ERBB4: variants seen among roughly 807,000 people sequenced by gnomAD.
The protein encoded by ERBB4 is receptor tyrosine-protein kinase erbB-4.
ERBB4 carries 42 observed loss-of-function variants against 158.0 expected under a neutral mutation model. The observed-to-expected ratio is 0.27, with a 90% CI of 0.21 to 0.34. ERBB4 has a LOEUF of 0.34. Ranked by LOEUF, ERBB4 falls within the 10% of genes least tolerant of loss-of-function variation. The pLI is 1.00. For missense variants in ERBB4, 1,333 were observed against 1,624.1 expected (o/e 0.82, Z 3.08); for synonymous variants, 583 against 558.7 (o/e 1.04, Z -0.61).
chr2:211,472,486 T>C (rs1193509129), intron 20 of ERBB4, among the ~76,000 whole-genome samples: 1 of 151,702 alleles, frequency 6.6e-6, no homozygotes, highest in Non-Finnish European at 1.5e-5. Context: ...CGCTATTATA[T>C]TAATATTTCT....
intron 20 of ERBB4, among the ~76,000 whole-genome samples, chr2:211,483,732 AGTAGAGACT>A (rs1447611085): frequency 2.0e-5 from 3 of 152,010 alleles, no homozygotes; most frequent in African/African-American, 7.2e-5. Flanking sequence ...TTGTATTTTT[AGTAGAGACT>A]GGTTCTCACT....
intron 20 of ERBB4, among the ~76,000 whole-genome samples, chr2:211,461,904 AAAAC>A (rs1394605536): frequency 1.3e-5 from 2 of 151,954 alleles, no homozygotes; most frequent in East Asian, 3.9e-4. Context: ...AAAAAACAAT[AAAAC>A]AACAACAAAA....
intron 1 of ERBB4, among the ~76,000 whole-genome samples, chr2:212,537,690 C>T (rs980410779): frequency 6.6e-6 from 1 of 151,666 alleles, no homozygotes; most frequent in African/African-American, 2.4e-5. Flanking sequence ...GAACTCTTCC[C>T]GGAGCCAAAC....
At chr2:211,623,888 A>C in intron 18 of ERBB4, 34 bp downstream of exon 18, 2 of 1,610,798 alleles carry the variant, frequency 1.2e-6, no homozygotes, top group Non-Finnish European at 1.7e-6. Context: ...CTAAAACAAA[A>C]CTTAACTAAC....
intron 1 of ERBB4, among the ~76,000 whole-genome samples, chr2:212,314,279 A>G (rs1377547733): frequency 6.6e-6 from 1 of 150,504 alleles, no homozygotes; most frequent in Non-Finnish European, 1.5e-5. Flanking sequence ...CCCTTCCTCA[A>G]CTTGGTTGAC....
At chr2:211,890,962 C>T (rs1282687327) in intron 3 of ERBB4, among the ~76,000 whole-genome samples, 161 of 103,940 alleles carry the variant, frequency 1.5e-3, no homozygotes, top group African/African-American at 6.5e-3. Flanking sequence ...TAATGGGAGA[C>T]TTTAACACCC....
intron 2 of ERBB4, among the ~76,000 whole-genome samples, chr2:212,032,741 C>A (rs1390622040): frequency 1.3e-5 from 2 of 151,894 alleles, no homozygotes; most frequent in African/African-American, 4.8e-5. Context: ...CCTATTTCTA[C>A]AGACTTCCAT....
At chr2:211,586,067 GA>G (rs2068266787) in intron 19 of ERBB4, among the ~76,000 whole-genome samples, 1 of 152,068 alleles carries the variant, frequency 6.6e-6, no homozygotes, top group South Asian at 2.1e-4. Flanking sequence ...CAAATGTGAT[GA>G]AGTAGAGTTT....
intron 19 of ERBB4, among the ~76,000 whole-genome samples, chr2:211,592,838 T>C (rs912795514): frequency 6.6e-6 from 1 of 152,126 alleles, no homozygotes; most frequent in Non-Finnish European, 1.5e-5. Flanking sequence ...AGTCAAACCC[T>C]GTCTCTACTA....
chr2:212,353,200 T>C (rs981365193), intron 1 of ERBB4, among the ~76,000 whole-genome samples: 1 of 151,830 alleles, frequency 6.6e-6, no homozygotes, highest in African/African-American at 2.4e-5. Flanking sequence ...CTTTAATGAT[T>C]TGGGGCCCAC....
intron 3 of ERBB4, among the ~76,000 whole-genome samples, chr2:211,815,613 G>C (rs1415162441): frequency 6.6e-6 from 1 of 152,118 alleles, no homozygotes; most frequent in South Asian, 2.1e-4. Context: ...CTAAATTTTT[G>C]TTTATGGTGT....
At chr2:211,596,942 T>G (rs1381402541) in intron 19 of ERBB4, among the ~76,000 whole-genome samples, 1 of 152,136 alleles carries the variant, frequency 6.6e-6, no homozygotes, top group African/African-American at 2.4e-5. Flanking sequence ...TCTTTTGTAT[T>G]TTTAGTAGAA....
intron 1 of ERBB4, among the ~76,000 whole-genome samples, chr2:212,192,799 T>C (rs527599056): frequency 5.5e-4 from 69 of 126,190 alleles, no homozygotes; most frequent in Middle Eastern, 3.7e-3. Flanking sequence ...GACCGATCAA[T>C]AGTGTGATAT....
At chr2:212,341,712 A>G (rs1012063471) in intron 1 of ERBB4, among the ~76,000 whole-genome samples, 6 of 152,202 alleles carry the variant, frequency 3.9e-5, no homozygotes, top group African/African-American at 1.4e-4. Context: ...ATTTCAAATT[A>G]TATTGTAGAA....
chr2:211,499,554 A>C (rs1298420291), intron 20 of ERBB4, among the ~76,000 whole-genome samples: 1 of 152,052 alleles, frequency 6.6e-6, no homozygotes, highest in Admixed American at 6.5e-5. Context: ...CAAACAAACA[A>C]ACAAAAAAAA....
chr2:211,858,486 G>C (rs1316204719), intron 3 of ERBB4, among the ~76,000 whole-genome samples: 10 of 152,106 alleles, frequency 6.6e-5, no homozygotes, highest in African/African-American at 2.4e-4. Flanking sequence ...GTTTGATTTA[G>C]ACCATTTTGT....
In ERBB4 at chr2:211,380,632, A is replaced by AG. The variant is rs557968261; in HGVS notation, c.*2982dup. The AG allele has an allele frequency of 2.6e-3, 603 of 231,922 alleles. 4 individuals are homozygous for AG. The highest frequency in any genetic ancestry group is 0.012 in the African/African-American group (554 of 45,368). 14.4% of individuals were successfully genotyped at this position (231,922 alleles called of 1,614,324 possible). A position where few individuals can be genotyped will look rare whatever the true frequency, so the allele number is the denominator to read the frequency against. ...TATACATGCTGAAATATGTTTTCCCAGGGGGGACAAAAATAAAACAAAAAA... is the reference window on the plus strand; with the variant it reads ...TATACATGCTGAAATATGTTTTCCCAGGGGGGGACAAAAATAAAACAAAAAA... On this transcript the variant is annotated 3_prime_UTR_variant, in exon 28 of 28. Transcript: ENST00000342788.
chr2:211,734,036 A>G (rs937869449), intron 5 of ERBB4, among the ~76,000 whole-genome samples: 1 of 152,130 alleles, frequency 6.6e-6, no homozygotes, highest in African/African-American at 2.4e-5. Context: ...AGCAGAAAAT[A>G]TTTAAAAAAT....
chr2:212,170,644 G>A lies in ERBB4; in HGVS notation c.83-45741C>T, dbSNP rs2081487342. 2.6e-5 allele frequency among the ~76,000 whole-genome samples: 4 copies of A among 152,240 alleles called. No individual in the cohort carries two copies. In the South Asian group the frequency reaches 8.3e-4, roughly 32 times the overall value. On this transcript the variant is annotated intron_variant, in intron 1 of 27. Coordinates refer to ENST00000342788, the MANE Select transcript of ERBB4 (RefSeq NM_005235.3). ...TTTGGGACTTGGGTGCCTGTCTTGGGACTTGGTGCCCTGTGTCCCAGCTAT... is the reference window on the plus strand; with the variant it reads ...TTTGGGACTTGGGTGCCTGTCTTGGAACTTGGTGCCCTGTGTCCCAGCTAT...
Sources: allele counts gnomAD v4.1 joint callset (sites outside exome capture counted in the v4.1 genomes callset), GRCh38; gene constraint gnomAD v4.1.1; transcripts MANE v1.5; gene names NCBI Gene and HGNC (gene_info 2026-07-23, HGNC 2026-07-21).